The following TCERG1 variants were observed in gnomAD, a reference collection of about 807,000 sequenced individuals.
The protein encoded by TCERG1 is TATA box binding protein (TBP)-associated factor, RNA polymerase II, S, 150kD.
In TCERG1, 37 loss-of-function variants were observed where a neutral mutation model predicts 144.7. The observed-to-expected ratio is 0.26, with a 90% CI of 0.20 to 0.34. TCERG1 has a LOEUF of 0.34. TCERG1 is among the 10% of genes least tolerant of loss of function. The pLI is 1.00. For synonymous variants in TCERG1, 492 were observed against 458.2 expected, an observed-to-expected ratio of 1.07 and a Z score of -0.94; for missense variants, 1,027 against 1,380.7, an observed-to-expected ratio of 0.74 and a Z score of 4.06.
chr5:146,450,279 T>C (rs1458463118), intron 1 of TCERG1, among the ~76,000 whole-genome samples: 1 of 152,172 alleles, frequency 6.6e-6, no homozygotes, highest in Non-Finnish European at 1.5e-5. Flanking sequence ...ACATTTGAAC[T>C]AGAGGCTGAG....
chr5:146,497,076 GGCCA>G (rs1255797063), intron 16 of TCERG1, among the ~76,000 whole-genome samples: 2 of 151,804 alleles, frequency 1.3e-5, no homozygotes, highest in Non-Finnish European at 2.9e-5. Flanking sequence ...ACACCTTGTT[GGCCA>G]TGCTGGTCTT....
At chr5:146,497,095 C>T (rs1178226884) in intron 16 of TCERG1, among the ~76,000 whole-genome samples, 1 of 152,024 alleles carries the variant, frequency 6.6e-6, no homozygotes, top group Non-Finnish European at 1.5e-5. Context: ...GGTCTTGGAA[C>T]TCCTGACCTC....
rs776238181 is a variant in TCERG1, at chr5:146,463,513, GA to G, written c.893-36del. 3.1e-6 allele frequency: 5 copies of G among 1,611,606 alleles called. No homozygotes were observed. In the African/African-American group the frequency reaches 6.7e-5, roughly 22 times the overall value. Reference sequence around the variant, plus strand: ...GAATGAATATAGTAAAATGATTTATGAAGGAGTGATACATGTTTTTGTTTTA... The same window carrying G: ...GAATGAATATAGTAAAATGATTTATGAGGAGTGATACATGTTTTTGTTTTA... On this transcript the variant is annotated intron_variant, in intron 4 of 22. Transcript: ENST00000679501.
At chr5:146,470,373 A>G (rs1349365116) in intron 7 of TCERG1, among the ~76,000 whole-genome samples, 2 of 152,216 alleles carry the variant, frequency 1.3e-5, no homozygotes, top group Admixed American at 1.3e-4. Flanking sequence ...AATGATTGCT[A>G]CAAATGATAT....
chr5:146,461,145 A>C (rs996934631), intron 4 of TCERG1, among the ~76,000 whole-genome samples: 1 of 152,208 alleles, frequency 6.6e-6, no homozygotes, highest in Non-Finnish European at 1.5e-5. Flanking sequence ...CAGTAAGCTC[A>C]TAGCTGTCTT....
At chr5:146,475,021 T>C (rs1314598346) in intron 9 of TCERG1, among the ~76,000 whole-genome samples, 1 of 152,182 alleles carries the variant, frequency 6.6e-6, no homozygotes, top group African/African-American at 2.4e-5. Flanking sequence ...TTTTCTTCCT[T>C]TTGCCACATC....
intron 17 of TCERG1, among the ~76,000 whole-genome samples, chr5:146,499,013 ATAT>A (rs1255960370): frequency 6.6e-6 from 1 of 152,208 alleles, no homozygotes; most frequent in East Asian, 1.9e-4. Flanking sequence ...ATAGGTTGTA[ATAT>A]TTGAATTTCA....
chr5:146,477,645 T>C (rs1212652336), intron 9 of TCERG1, among the ~76,000 whole-genome samples: 4 of 151,904 alleles, frequency 2.6e-5, no homozygotes, highest in Non-Finnish European at 5.9e-5. Flanking sequence ...CTTGTAGTGC[T>C]TGTAGTGGGC....
In TCERG1 at chr5:146,470,670, A is replaced by G; in HGVS notation, c.1434A>G (p.Lys478=). The G allele has an allele frequency of 6.2e-7, 1 of 1,611,744 alleles. No homozygotes were observed. Among genetic ancestry groups the G allele is most frequent in the Non-Finnish European group, 8.5e-7 (1 of 1,179,456 alleles). The stretch of plus-strand genomic sequence containing the variant: ...AAGAGAAGATTAAAGAGCCAATTAA[A>G]GAACCCTCTGAAGAGCCTCTGCCAA... The part of the protein sequence containing the change: ...KLEEKIKEPI[K]EPSEEPLPME... The change falls in exon 8 of 23, where the codon AAA becomes AAG. Residue 478 remains lysine, a synonymous_variant. Coordinates refer to ENST00000679501, the MANE Select transcript of TCERG1 (RefSeq NM_001382548.1).
chr5:146,493,802 T>C (rs3797299), intron 16 of TCERG1, among the ~76,000 whole-genome samples: 36,835 of 151,894 alleles, frequency 0.24, 5,568 homozygotes, highest in East Asian at 0.83. Flanking sequence ...GGGGGAATTA[T>C]TCTTATTTAT....
At chr5:146,498,462 A>G in intron 16 of TCERG1, 74 bp from the exon 17 acceptor site, 1 of 1,467,244 alleles carries the variant, frequency 6.8e-7, no homozygotes, top group East Asian at 2.3e-5. Context: ...TGTTGGAAAA[A>G]TGGTATCTTC....
chr5:146,447,395 C>G lies in TCERG1; in HGVS notation c.46C>G (p.Pro16Ala), dbSNP rs143719955. Residue 16 changes from proline (P) to alanine (A), a missense_variant, in exon 1 of 23, where the codon CCG (proline) becomes GCG (alanine). Around this residue, in one of 6 missense-constraint regions of TCERG1, gnomAD observed 175 missense variants for 197.0 expected, o/e 0.89. Transcript: ENST00000679501. ...GDGGESERFN[P>A]GELRMAQQQA... ...CGGGGGCGAGAGTGAACGATTCAAC[C>G]CGGGGGAGCTCAGGTAAGGAACGCT... 3.0e-5 allele frequency: 48 copies of G among 1,611,852 alleles called. No individual in the cohort carries two copies. Among genetic ancestry groups the G allele is most frequent in the African/African-American group, 6.7e-5 (5 of 74,736 alleles).
chr5:146,510,126 C>T (rs1276846495), intron 22 of TCERG1: 53 of 1,297,300 alleles, frequency 4.1e-5, no homozygotes, highest in Non-Finnish European at 4.8e-5. Flanking sequence ...TTGGCAGCCC[C>T]GCAGACTGAA....
chr5:146,491,784 T>TTG (rs1410974384), intron 15 of TCERG1, among the ~76,000 whole-genome samples: 1 of 152,174 alleles, frequency 6.6e-6, no homozygotes, highest in African/African-American at 2.4e-5. Flanking sequence ...ATTTTAGGCT[T>TTG]TGTGGGCCAT....
At chr5:146,503,220 C>G (rs548259578) in intron 17 of TCERG1, 155 bp from the exon 18 acceptor site, 1 of 588,384 alleles carries the variant, frequency 1.7e-6, no homozygotes, top group Non-Finnish European at 2.8e-6. Context: ...TGATCTTTTA[C>G]TGTAATTCTA....
At chr5:146,500,718 G>A (rs1286484868) in intron 17 of TCERG1, among the ~76,000 whole-genome samples, 1 of 152,124 alleles carries the variant, frequency 6.6e-6, no homozygotes, top group East Asian at 1.9e-4. Flanking sequence ...ATTAAAAAGT[G>A]CCTGTAAAAG....
chr5:146,487,365 A>G (rs1385962806), intron 15 of TCERG1, among the ~76,000 whole-genome samples: 1 of 152,222 alleles, frequency 6.6e-6, no homozygotes, highest in African/African-American at 2.4e-5. Context: ...TAATATTGTT[A>G]AAGTGGCAGT....
chr5:146,461,167 G>T (rs1189371886), intron 4 of TCERG1, among the ~76,000 whole-genome samples: 1 of 152,058 alleles, frequency 6.6e-6, no homozygotes, highest in African/African-American at 2.4e-5. Context: ...TGTCCTGTTT[G>T]TCAGTTTTGC....
At chr5:146,470,209 C>T (rs1461244768) in intron 7 of TCERG1, among the ~76,000 whole-genome samples, 1 of 152,116 alleles carries the variant, frequency 6.6e-6, no homozygotes, top group Non-Finnish European at 1.5e-5. Flanking sequence ...CACTGTGTTG[C>T]CCAGGCTGGT....
Sources: gnomAD v4.1 joint callset for allele counts (sites outside exome capture counted in the v4.1 genomes callset) on GRCh38, gnomAD v4.1.1 for gene constraint, gnomAD v4.1.1 regional missense constraint, MANE v1.5 for transcripts, NCBI Gene and HGNC (gene_info 2026-07-23, HGNC 2026-07-21) for gene names.